GRAP2: variants seen among roughly 807,000 people sequenced by gnomAD.
GRAP2 encodes GRB2 related adaptor protein 2.
A neutral mutation model predicts 43.5 loss-of-function variants in GRAP2; 31 were observed. That is an observed-to-expected ratio of 0.71 (90% CI 0.54 to 0.96). The LOEUF is 0.96. GRAP2 is among the 40% of genes least tolerant of loss of function. The probability of loss-of-function intolerance (pLI) is 0.00; values close to 1 mark genes in which losing one functional copy is unlikely to be tolerated. For missense variants in GRAP2, 371 were observed against 424.4 expected (o/e 0.87, Z 1.11); for synonymous variants, 156 against 164.8 (o/e 0.95, Z 0.41).
In GRAP2 at chr22:39,952,019, G is replaced by GTT. The variant is rs397946166; in HGVS notation, c.79-3782_79-3781dup. ...CAGAAAATGAAGTACAAAGTGTGTG[G>GTT]TTTTTTTTTTTTTTTTTTTCTTTTT... On this transcript the variant is annotated intron_variant, in intron 2 of 7. Coordinates refer to ENST00000344138, the MANE Select transcript of GRAP2 (RefSeq NM_004810.4). 1.8e-4 allele frequency among the ~76,000 whole-genome samples: 25 copies of GTT among 138,234 alleles called. 1 individual carries two copies. The highest frequency in any genetic ancestry group is 5.1e-4 in the Admixed American group (7 of 13,730). 90.7% of individuals were successfully genotyped at this position (138,234 alleles called of 152,430 possible).
intron 2 of GRAP2, among the ~76,000 whole-genome samples, chr22:39,949,432 C>T (rs976833257): frequency 3.3e-5 from 5 of 152,214 alleles, no homozygotes; most frequent in Admixed American, 2.0e-4. Flanking sequence ...AATCACATGT[C>T]CACAGTCACA....
At chr22:39,910,252 G>A (rs925945861) in intron 1 of GRAP2, among the ~76,000 whole-genome samples, 4 of 152,052 alleles carry the variant, frequency 2.6e-5, no homozygotes, top group African/African-American at 7.2e-5. Context: ...TGCCTCCCTT[G>A]ATCTGTAGCC....
At chr22:39,968,384 A>G in intron 6 of GRAP2, 112 bp downstream of exon 6, 2 of 1,280,722 alleles carry the variant, frequency 1.6e-6, no homozygotes, top group Non-Finnish European at 2.2e-6. Flanking sequence ...AAGACCCTGG[A>G]CCCCCCCAAA....
chr22:39,970,792 C>T, intron 7 of GRAP2, 113 bp from the exon 8 acceptor site: 1 of 989,620 alleles, frequency 1.0e-6, no homozygotes, highest in South Asian at 1.8e-5. Context: ...AGGGGTCAGC[C>T]TTCAGGGAAT....
At chr22:39,946,353 A>G (rs180678854) in intron 1 of GRAP2, among the ~76,000 whole-genome samples, 1 of 152,322 alleles carries the variant, frequency 6.6e-6, no homozygotes, top group Admixed American at 6.5e-5. Flanking sequence ...GCACAGCTCT[A>G]GTTCATACTA....
rs764760972 is a variant in GRAP2, at chr22:39,960,179, T to A, written c.290+5T>A. 6.2e-7 allele frequency: 1 copy of A among 1,612,588 alleles called. No homozygotes were observed. The highest frequency in any genetic ancestry group is 1.1e-5 in the South Asian group (1 of 91,054). Reference sequence around the variant, plus strand: ...GGACTTCTCCATCTCTGTCAGGTACTGACCATTCCTGACACTGCCTTGGCC... The same window carrying A: ...GGACTTCTCCATCTCTGTCAGGTACAGACCATTCCTGACACTGCCTTGGCC... On this transcript the variant is annotated splice_donor_5th_base_variant and intron_variant, in intron 4 of 7. Transcript: ENST00000344138.
intron 2 of GRAP2, among the ~76,000 whole-genome samples, chr22:39,951,938 A>G (rs2066987488): frequency 1.3e-5 from 2 of 151,924 alleles, no homozygotes; most frequent in Admixed American, 1.3e-4. Context: ...ATAATCTTTC[A>G]GTTTCTAGAG....
In GRAP2 at chr22:39,964,494, C is replaced by A. The variant is rs1376218824; in HGVS notation, c.291-1496C>A. The A allele has an allele frequency of 8.7e-6, 9 of 1,031,524 alleles. No individual in the cohort carries two copies. The African/African-American group carries it at 1.4e-4, about 16-fold the overall frequency. 63.9% of individuals were successfully genotyped at this position (1,031,524 alleles called of 1,614,324 possible). ...AACAAAAAGAGGAGCAGAAGAAACT[C>A]GAGGTGCTAAAAGCGAAGGTCGTGG... is the stretch of plus-strand genomic sequence containing the variant. On this transcript the variant is annotated intron_variant, in intron 4 of 7. Coordinates refer to ENST00000344138, the MANE Select transcript of GRAP2 (RefSeq NM_004810.4).
chr22:39,929,447 GAT>G (rs1295313903), intron 1 of GRAP2, among the ~76,000 whole-genome samples: 1 of 152,210 alleles, frequency 6.6e-6, no homozygotes, highest in Non-Finnish European at 1.5e-5. Context: ...AGAGAAGAAA[GAT>G]AATAGAATGA....
chr22:39,907,971 A>G (rs1366670390), intron 1 of GRAP2, among the ~76,000 whole-genome samples: 2 of 152,296 alleles, frequency 1.3e-5, no homozygotes, highest in South Asian at 4.1e-4. Flanking sequence ...GTCCAAACAC[A>G]GGATTCTGGA....
intron 1 of GRAP2, among the ~76,000 whole-genome samples, chr22:39,945,655 C>T (rs1204625259): frequency 1.3e-5 from 2 of 152,150 alleles, no homozygotes; most frequent in East Asian, 3.8e-4. Flanking sequence ...GCTGTCTTAG[C>T]AGAGAATCAC....
intron 1 of GRAP2, 86 bp downstream of exon 1, chr22:39,901,416 A>G (rs903138080): frequency 2.1e-6 from 1 of 465,890 alleles, no homozygotes; most frequent in Middle Eastern, 3.3e-4. Flanking sequence ...TGAGTTAATT[A>G]AAATGAATCT....
intron 1 of GRAP2, among the ~76,000 whole-genome samples, chr22:39,944,902 C>T (rs540075391): frequency 6.6e-6 from 1 of 152,212 alleles, no homozygotes; most frequent in Non-Finnish European, 1.5e-5. Context: ...AATTTGCATA[C>T]AAATGGGACC....
chr22:39,914,082 T>C lies in GRAP2; in HGVS notation c.-15+12752T>C, dbSNP rs117004431. Among the ~76,000 whole-genome samples, 12 of 152,274 alleles carry C rather than the reference T, an allele frequency of 7.9e-5. No individual in the cohort carries two copies. The East Asian group carries it at 2.1e-3, about 27-fold the overall frequency. On this transcript the variant is annotated intron_variant, in intron 1 of 7. Coordinates refer to ENST00000344138, the MANE Select transcript of GRAP2 (RefSeq NM_004810.4). ...TGACCTTTTAATCCCCTCATTATCC[T>C]CTGGACCTGCTCCAAGCCTTGCCTG...
Position 39,971,017 on chromosome 22 carries a change from G to A in GRAP2, c.926G>A (p.Trp309Ter), listed in dbSNP as rs547943039. The change falls in exon 8 of 8, where the codon TGG becomes TAG. Residue 309 changes from tryptophan to a stop codon, truncating the protein, a stop_gained. Coordinates refer to ENST00000344138, the MANE Select transcript of GRAP2 (RefSeq NM_004810.4). LOFTEE classifies it high-confidence loss of function. Reference sequence around the variant, plus strand: ...CTGGATAGCTCCAACCCATCCTGGTGGACCGGCCGCCTGCACAACAAGCTG... The same window carrying A: ...CTGGATAGCTCCAACCCATCCTGGTAGACCGGCCGCCTGCACAACAAGCTG... ...EVLDSSNPSWWTGRLHNKLGL... is the reference protein window; with the variant it reads ...EVLDSSNPSW 1 of 1,613,740 alleles carries A rather than the reference G, an allele frequency of 6.2e-7. No individual in the cohort carries two copies. Among genetic ancestry groups the A allele is most frequent in the Non-Finnish European group, 8.5e-7 (1 of 1,179,848 alleles).
At chr22:39,964,712 T>C (rs553278896) in intron 4 of GRAP2, 417 of 374,200 alleles carry the variant, frequency 1.1e-3, no homozygotes, top group Non-Finnish European at 1.3e-3. Flanking sequence ...GAATAAACTT[T>C]TGTAAAAAAA....
At position 39,935,403 on chromosome 22, in the gene GRAP2, TA is replaced by T. The variant is rs371850700; in HGVS notation, c.-14-11689del. ...CACTTCCAACTTTGAGAATCTAGGA[TA>T]GGGGCACTATTTAATCAAAACTGGC... On this transcript the variant is annotated intron_variant, in intron 1 of 7. Transcript: ENST00000344138. Among the ~76,000 whole-genome samples the T allele has an allele frequency of 5.5e-3, 832 of 152,224 alleles. 2 individuals are homozygous for T. The highest frequency in any genetic ancestry group is 9.1e-3 in the Non-Finnish European group (616 of 68,024).
At chr22:39,929,251 T>A (rs1025003004) in intron 1 of GRAP2, among the ~76,000 whole-genome samples, 1 of 152,052 alleles carries the variant, frequency 6.6e-6, no homozygotes, top group Non-Finnish European at 1.5e-5. Flanking sequence ...TTTTTGCAAT[T>A]TCCTGAGAGA....
intron 5 of GRAP2, among the ~76,000 whole-genome samples, chr22:39,967,513 A>G (rs1313115489): frequency 6.6e-6 from 1 of 152,236 alleles, no homozygotes; most frequent in Non-Finnish European, 1.5e-5. Context: ...TTGTTGTAAC[A>G]TTAGGGAAAA....
Sources: allele counts gnomAD v4.1 joint callset (sites outside exome capture counted in the v4.1 genomes callset), GRCh38; gene constraint gnomAD v4.1.1; transcripts MANE v1.5; gene names NCBI Gene and HGNC (gene_info 2026-07-23, HGNC 2026-07-21).